LTBP1: variants seen among roughly 807,000 people sequenced by gnomAD.
The protein encoded by LTBP1 is latent transforming growth factor beta binding protein 1, also known as latent-transforming growth factor beta-binding protein 1.
Under a neutral mutation model 207.6 loss-of-function variants are expected in LTBP1, and 129 were observed. The observed-to-expected ratio is 0.62, with a 90% confidence interval of 0.54 to 0.72. The LOEUF is 0.72. Among genes scored for constraint, LTBP1 ranks in the 30% least tolerant of loss-of-function variants. LTBP1 has a pLI of 0.00. For missense variants in LTBP1, 2,281 were observed against 2,217.2 expected, an observed-to-expected ratio of 1.03 and a Z score of -0.58; for synonymous variants, 963 against 833.7, an observed-to-expected ratio of 1.16 and a Z score of -2.67.
Position 33,275,108 on chromosome 2 carries a change from C to A in LTBP1, c.2869+18C>A. ...CTGCATAGGTAATGGCAGCATTCTT[C>A]CTGCTTACAAATTCTTAGATCTGAG... On this transcript the variant is annotated intron_variant, in intron 17 of 33. Transcript: ENST00000404816. 2 of 1,612,812 alleles carry A rather than the reference C, an allele frequency of 1.2e-6. No homozygotes were observed. The highest frequency in any genetic ancestry group is 8.5e-7 in the Non-Finnish European group (1 of 1,179,226).
intron 27 of LTBP1, 63 bp downstream of exon 27, chr2:33,360,842 G>A: frequency 6.8e-7 from 1 of 1,480,134 alleles, no homozygotes; most frequent in Non-Finnish European, 9.4e-7. Flanking sequence ...CCTGGGCCTT[G>A]AAATGATAAC....
At position 33,257,329 on chromosome 2, in the gene LTBP1, C is replaced by G. The variant is rs765745245; in HGVS notation, c.2213C>G (p.Ser738Cys). Residue 738 changes from serine to cysteine, a missense_variant, in exon 12 of 34, where the codon TCT (serine) becomes TGT (cysteine). This residue lies in a region of LTBP1 where 1,671 missense variants were observed against 1,634.8 expected (regional missense o/e 1.02). Transcript: ENST00000404816. ...ICPGGMGYTV[S>C]GVHRRRPIHH... Reference sequence around the variant, plus strand: ...CCTGGTGGAATGGGTTATACGGTTTCTGGCGTTCATAGACGCAGGCCAATC... The same window carrying G: ...CCTGGTGGAATGGGTTATACGGTTTGTGGCGTTCATAGACGCAGGCCAATC... 1 of 1,614,204 alleles carries G rather than the reference C, an allele frequency of 6.2e-7. No homozygotes were observed. The highest frequency in any genetic ancestry group is 1.6e-4 in the Middle Eastern group (1 of 6,062).
At chr2:33,114,444 C>G (rs1383134813) in intron 4 of LTBP1, among the ~76,000 whole-genome samples, 1 of 152,180 alleles carries the variant, frequency 6.6e-6, no homozygotes, top group Non-Finnish European at 1.5e-5. Flanking sequence ...GACTCACAGT[C>G]TCTCAATCCA....
At chr2:33,345,204 A>C (rs552267171) in intron 25 of LTBP1, among the ~76,000 whole-genome samples, 12 of 151,640 alleles carry the variant, frequency 7.9e-5, no homozygotes, top group Non-Finnish European at 1.5e-4. Context: ...TCTCTAACCC[A>C]CCCCCACATT....
rs1037777667 is a variant in LTBP1 at position 33,117,557 on chromosome 2, T to C, written c.1033+6806T>C. The stretch of plus-strand genomic sequence containing the variant: ...TACAAGAGACATTCAAGATTTTTGC[T>C]CTGTCAAAACAAAGCTGAATGTTAG... On this transcript the variant is annotated intron_variant, in intron 4 of 33. Transcript: ENST00000404816. Among the ~76,000 whole-genome samples, 6 of 152,298 alleles carry C rather than the reference T, an allele frequency of 3.9e-5. No individual in the cohort carries two copies. The East Asian group carries it at 9.7e-4, about 25-fold the overall frequency.
At chr2:33,043,313 G>T (rs958466341) in intron 3 of LTBP1, among the ~76,000 whole-genome samples, 2 of 151,654 alleles carry the variant, frequency 1.3e-5, no homozygotes, top group African/African-American at 2.4e-5. Context: ...AATTGGTCAA[G>T]AATTTTTTTT....
intron 23 of LTBP1, among the ~76,000 whole-genome samples, chr2:33,314,444 G>A (rs11884216): frequency 0.012 from 1,756 of 152,266 alleles, 28 homozygotes; most frequent in African/African-American, 0.04. Context: ...AGCCACTCGA[G>A]AGGCTGAGGA....
chr2:33,104,745 C>G (rs2079956668), intron 3 of LTBP1, among the ~76,000 whole-genome samples: 1 of 152,222 alleles, frequency 6.6e-6, no homozygotes, highest in Non-Finnish European at 1.5e-5. Flanking sequence ...TAGAATGTCA[C>G]TATTCCTAAA....
intron 31 of LTBP1, among the ~76,000 whole-genome samples, chr2:33,375,406 G>A (rs1005489351): frequency 2.6e-5 from 4 of 152,198 alleles, no homozygotes; most frequent in African/African-American, 4.8e-5. Context: ...GCACAGACCC[G>A]AATACCCCTG....
chr2:33,219,864 T>G (rs1026636298), intron 8 of LTBP1, among the ~76,000 whole-genome samples: 2 of 152,222 alleles, frequency 1.3e-5, no homozygotes, highest in Non-Finnish European at 2.9e-5. Flanking sequence ...CTTTTATTTT[T>G]TTTTTAATCC....
intron 13 of LTBP1, among the ~76,000 whole-genome samples, chr2:33,260,448 T>C (rs1472489506): frequency 6.6e-6 from 1 of 152,230 alleles, no homozygotes; most frequent in African/African-American, 2.4e-5. Flanking sequence ...TTTATACATT[T>C]ATGTACCATT....
intron 1 of LTBP1, among the ~76,000 whole-genome samples, 174 bp downstream of exon 1, chr2:32,947,992 C>A (rs1319429963): frequency 6.6e-6 from 1 of 152,130 alleles, no homozygotes; most frequent in Admixed American, 6.5e-5. Flanking sequence ...GAGGGGAGTG[C>A]GGGGAAGCCC....
At chr2:33,275,353 G>A (rs2093403884) in intron 17 of LTBP1, among the ~76,000 whole-genome samples, 1 of 152,260 alleles carries the variant, frequency 6.6e-6, no homozygotes, top group East Asian at 1.9e-4. Context: ...AAAACTGGAT[G>A]ATTTTGATGT....
At chr2:33,305,427 G>A (rs2094073021) in intron 22 of LTBP1, among the ~76,000 whole-genome samples, 1 of 147,688 alleles carries the variant, frequency 6.8e-6, no homozygotes, top group Admixed American at 6.7e-5. Flanking sequence ...TTGAGGAAGG[G>A]TGGTGATTTT....
intron 2 of LTBP1, among the ~76,000 whole-genome samples, chr2:33,010,344 A>T (rs974613773): frequency 6.6e-6 from 1 of 152,148 alleles, no homozygotes; most frequent in Admixed American, 6.5e-5. Context: ...AATCTTTTTC[A>T]ATCAGAGGCT....
intron 29 of LTBP1, 123 bp downstream of exon 29, chr2:33,363,641 G>C: frequency 9.3e-7 from 1 of 1,080,304 alleles, no homozygotes; most frequent in Non-Finnish European, 1.3e-6. Flanking sequence ...ATGTGTAAAC[G>C]TTTTAGGGAT....
intron 2 of LTBP1, among the ~76,000 whole-genome samples, chr2:32,954,562 A>G (rs749036514): frequency 1.9e-4 from 16 of 82,478 alleles, no homozygotes; most frequent in Non-Finnish European, 3.1e-4. Context: ...CCCCCCACCA[A>G]TGATCCCATT....
At chr2:33,236,639 A>G (rs544621482) in intron 9 of LTBP1, among the ~76,000 whole-genome samples, 2 of 152,334 alleles carry the variant, frequency 1.3e-5, no homozygotes, top group African/African-American at 4.8e-5. Context: ...GTATTTTTCA[A>G]TAGCTCTTTG....
chr2:33,252,957 T>C (rs980672585), intron 11 of LTBP1, 113 bp downstream of exon 11: 32 of 806,072 alleles, frequency 4.0e-5, no homozygotes, highest in Middle Eastern at 4.0e-4. Context: ...TAATAATACA[T>C]TGTAAATATT....
Sources: gnomAD v4.1 joint callset for allele counts (sites outside exome capture counted in the v4.1 genomes callset) on GRCh38, gnomAD v4.1.1 for gene constraint, gnomAD v4.1.1 regional missense constraint, MANE v1.5 for transcripts, NCBI Gene and HGNC (gene_info 2026-07-23, HGNC 2026-07-21) for gene names.